C2CD3: variants seen among roughly 807,000 people sequenced by gnomAD.
C2CD3 encodes C2 domain containing 3 centriole elongation regulator.
In C2CD3, 148 loss-of-function variants were observed where a neutral mutation model predicts 234.0. That is an observed-to-expected ratio of 0.63 (90% CI 0.55 to 0.72). The LOEUF (loss-of-function observed/expected upper bound fraction) is 0.72, where lower values mean the gene tolerates loss of function less well. C2CD3 is among the 30% of genes least tolerant of loss of function. C2CD3 has a pLI of 0.00. For synonymous variants in C2CD3, 1,000 were observed against 1,035.4 expected (o/e 0.97, Z 0.66); for missense variants, 2,577 against 2,811.5 (o/e 0.92, Z 1.89).
At chr11:74,069,757 T>G (rs752978442) in intron 24 of C2CD3, among the ~76,000 whole-genome samples, 1 of 152,192 alleles carries the variant, frequency 6.6e-6, no homozygotes, top group Non-Finnish European at 1.5e-5. Context: ...GTGCTCTCCC[T>G]TTGGCCTGGA....
rs374405640 is a variant in C2CD3, at chr11:74,046,521, G to A, written c.5495+1684C>T. 3.7e-4 allele frequency among the ~76,000 whole-genome samples: 57 copies of A among 152,082 alleles called. No individual in the cohort carries two copies. The Middle Eastern group carries it at 0.01, about 27-fold the overall frequency. ...TTTTTAATTTTTTTGTGGAGATGGG[G>A]TCTCACTATGTTGTCCAGGATCATC... On this transcript the variant is annotated intron_variant, in intron 28 of 32. Transcript: ENST00000334126.
At chr11:74,161,203 G>A (rs888543688) in intron 3 of C2CD3, among the ~76,000 whole-genome samples, 196 bp downstream of exon 3, 4 of 152,142 alleles carry the variant, frequency 2.6e-5, no homozygotes, top group African/African-American at 9.7e-5. Flanking sequence ...AACTTGAGAT[G>A]GCACTAAGGC....
chr11:74,142,563 G>A (rs1330442095), intron 3 of C2CD3, among the ~76,000 whole-genome samples: 1 of 152,196 alleles, frequency 6.6e-6, no homozygotes, highest in Non-Finnish European at 1.5e-5. Flanking sequence ...GGAATGCTAA[G>A]AAGGGGTCTG....
chr11:74,013,818 G>T (rs544243397), intron 32 of C2CD3, among the ~76,000 whole-genome samples: 2 of 152,278 alleles, frequency 1.3e-5, no homozygotes, highest in South Asian at 4.1e-4. Flanking sequence ...CTCTTTCTGT[G>T]CCTCTGGAGA....
In C2CD3 at chr11:74,103,604, C is replaced by T. The variant is rs764240365; in HGVS notation, c.2107G>A (p.Asp703Asn). 4.3e-6 allele frequency: 7 copies of T among 1,611,580 alleles called. No homozygotes were observed. In the South Asian group the frequency reaches 5.5e-5, roughly 13 times the overall value. The change falls in exon 14 of 33, where the codon GAT (aspartate) becomes AAT (asparagine). Residue 703 changes from aspartate to asparagine, a missense_variant. Asp to Asn is a conservative substitution (Grantham distance 23, BLOSUM62 1). Coordinates refer to ENST00000334126, the MANE Select transcript of C2CD3 (RefSeq NM_001286577.2). The part of the protein sequence containing the change: ...PLKVTMELIT[D>N]NKDFTGINTK... ...TTGATACCAGTGAAATCTTTGTTATCTGTAATAAGCTCCATGGTTACCTGT... is the reference window on the plus strand; with the variant it reads ...TTGATACCAGTGAAATCTTTGTTATTTGTAATAAGCTCCATGGTTACCTGT...
chr11:74,170,488 TCTC>T (rs1197200954), intron 1 of C2CD3, among the ~76,000 whole-genome samples: 2 of 152,218 alleles, frequency 1.3e-5, no homozygotes, highest in Admixed American at 6.5e-5. Context: ...TGTTTGTTCT[TCTC>T]CTCTACAGTC....
chr11:74,168,746 G>T, intron 1 of C2CD3, 133 bp from the exon 2 acceptor site: 1 of 766,294 alleles, frequency 1.3e-6, no homozygotes, highest in Non-Finnish European at 2.1e-6. Flanking sequence ...TAGAAAGAAG[G>T]TTTATCCTAC....
chr11:74,042,821 C>A (rs537421995), intron 28 of C2CD3, among the ~76,000 whole-genome samples: 1 of 151,796 alleles, frequency 6.6e-6, no homozygotes, highest in Non-Finnish European at 1.5e-5. Flanking sequence ...GCAACAATAA[C>A]AACAATATAT....
chr11:74,090,149 C>T (rs927525568), intron 20 of C2CD3, among the ~76,000 whole-genome samples: 2 of 151,762 alleles, frequency 1.3e-5, no homozygotes. Flanking sequence ...GATGAGATCA[C>T]AAAGATAGAT....
chr11:74,015,901 A>C (rs1951862325), intron 32 of C2CD3, among the ~76,000 whole-genome samples: 1 of 123,528 alleles, frequency 8.1e-6, no homozygotes. Flanking sequence ...ACCCTGTCTC[A>C]AAAAAAAAAA....
At chr11:74,082,917 T>C (rs901936608) in intron 22 of C2CD3, among the ~76,000 whole-genome samples, 68 of 152,182 alleles carry the variant, frequency 4.5e-4, no homozygotes, top group African/African-American at 1.6e-3. Context: ...CCAATGACTT[T>C]CTTCACAGAA....
In C2CD3 at chr11:74,049,368, G is replaced by T. The variant is rs111594125; in HGVS notation, c.5330C>A (p.Ala1777Glu). ...TTTTGAGGTCTCCACTCCACGCCTT[G>T]CTTGCCTTTCTTCTTTGAAGTGTAT... ...SLIHFKEERQ[A>E]RRGVETSKSL... Residue 1777 changes from alanine (A) to glutamate (E), a missense_variant, in exon 27 of 33, where the codon GCA becomes GAA. By Grantham distance (107) the Ala-to-Glu change is moderately radical. Transcript: ENST00000334126. 0.013 allele frequency: 21,384 copies of T among 1,614,066 alleles called. 229 individuals are homozygous for T. Among genetic ancestry groups the T allele is most frequent in the African/African-American group, 0.047 (3,508 of 75,004 alleles).
intron 3 of C2CD3, among the ~76,000 whole-genome samples, chr11:74,153,941 T>C (rs1032309859): frequency 7.2e-5 from 11 of 152,124 alleles, no homozygotes; most frequent in African/African-American, 2.4e-4. Context: ...TTGATTATAT[T>C]CAAACAAAAT....
Position 74,170,982 on chromosome 11 carries a change from GCCTT to G in C2CD3, c.-194_-191del. On this transcript the variant is annotated 5_prime_UTR_variant, in exon 1 of 33. Transcript: ENST00000334126. ...CGGTGCGAAGAGAAGGCGCCAAGAC[GCCTT>G]CCCTCCAATACACTACAATACCCAG... is the stretch of plus-strand genomic sequence containing the variant. 1 of 1,340,324 alleles carries G rather than the reference GCCTT, an allele frequency of 7.5e-7. No individual in the cohort carries two copies. The highest frequency in any genetic ancestry group is 1.3e-5 in the South Asian group (1 of 75,300). The allele number at this position is 1,340,324 out of a possible 1,614,324, so 83.0% of individuals were successfully genotyped here. A position where few individuals can be genotyped will look rare whatever the true frequency, so the allele number is the denominator to read the frequency against.
chr11:74,089,076 T>C (rs969088588), intron 20 of C2CD3, among the ~76,000 whole-genome samples: 1 of 152,206 alleles, frequency 6.6e-6, no homozygotes, highest in Non-Finnish European at 1.5e-5. Flanking sequence ...TGAGTAAATA[T>C]GTACATATTT....
intron 12 of C2CD3, 30 bp from the exon 13 acceptor site, chr11:74,106,523 T>G: frequency 6.2e-7 from 1 of 1,606,790 alleles, no homozygotes; most frequent in Non-Finnish European, 8.5e-7. Flanking sequence ...AACATTTAGA[T>G]TAATTAAAGA....
At chr11:74,053,240 G>T (rs1255437279) in intron 26 of C2CD3, among the ~76,000 whole-genome samples, 2 of 152,170 alleles carry the variant, frequency 1.3e-5, no homozygotes, top group East Asian at 1.9e-4. Flanking sequence ...TTACCGTCAA[G>T]AATTAGAGAT....
At chr11:74,049,849 T>C (rs1375623072) in intron 26 of C2CD3, among the ~76,000 whole-genome samples, 1 of 145,548 alleles carries the variant, frequency 6.9e-6, no homozygotes, top group Non-Finnish European at 1.5e-5. Flanking sequence ...AGCATGATCA[T>C]AGTTCACTGC....
intron 13 of C2CD3, 89 bp from the exon 14 acceptor site, chr11:74,103,714 A>G: frequency 5.5e-6 from 6 of 1,090,144 alleles, no homozygotes; most frequent in Non-Finnish European, 7.9e-6. Context: ...TCAGATTATT[A>G]GGAAATGAAT....
Sources: allele counts gnomAD v4.1 joint callset (sites outside exome capture counted in the v4.1 genomes callset), GRCh38; gene constraint gnomAD v4.1.1; transcripts MANE v1.5; gene names NCBI Gene and HGNC (gene_info 2026-07-23, HGNC 2026-07-21).